The following DYNC1I1 variants were observed in gnomAD, a reference collection of about 807,000 sequenced individuals.
DYNC1I1 encodes dynein cytoplasmic 1 intermediate chain 1.
A neutral mutation model predicts 86.6 loss-of-function variants in DYNC1I1; 43 were observed. That is an observed-to-expected ratio of 0.50 (90% CI 0.39 to 0.64). The LOEUF (loss-of-function observed/expected upper bound fraction) is 0.64, where lower values mean the gene tolerates loss of function less well. Among genes scored for constraint, DYNC1I1 ranks in the 30% least tolerant of loss-of-function variants. DYNC1I1 has a pLI of 0.00. For synonymous variants in DYNC1I1, 262 were observed against 283.7 expected (o/e 0.92, Z 0.77); for missense variants, 604 against 788.8 (o/e 0.77, Z 2.81).
At chr7:95,872,164 C>G (rs775849127) in intron 6 of DYNC1I1, among the ~76,000 whole-genome samples, 94 of 152,294 alleles carry the variant, frequency 6.2e-4, no homozygotes, top group Non-Finnish European at 1.2e-3. Flanking sequence ...GAGGTTCTAC[C>G]ATGCGGCAGA....
intron 6 of DYNC1I1, among the ~76,000 whole-genome samples, chr7:95,898,551 C>A (rs542862274): frequency 6.6e-6 from 1 of 152,264 alleles, no homozygotes; most frequent in African/African-American, 2.4e-5. Flanking sequence ...GTGGCCAAGA[C>A]AACTACAAAA....
intron 13 of DYNC1I1, among the ~76,000 whole-genome samples, chr7:96,036,013 C>G (rs536648444): frequency 1.1e-4 from 17 of 152,312 alleles, no homozygotes; most frequent in African/African-American, 3.8e-4. Flanking sequence ...ACCTTCCCAG[C>G]ATCTCCGCAT....
At chr7:95,974,656 T>C (rs898328434) in intron 6 of DYNC1I1, among the ~76,000 whole-genome samples, 1 of 152,126 alleles carries the variant, frequency 6.6e-6, no homozygotes, top group Non-Finnish European at 1.5e-5. Flanking sequence ...ACACTTCATA[T>C]TAAGCATTGC....
intron 6 of DYNC1I1, among the ~76,000 whole-genome samples, chr7:95,947,024 A>G (rs1792421541): frequency 6.6e-6 from 1 of 152,330 alleles, no homozygotes; most frequent in East Asian, 1.9e-4. Context: ...GAATGGATCC[A>G]AACAGAAGTG....
chr7:95,874,999 G>A (rs1024893896), intron 6 of DYNC1I1, among the ~76,000 whole-genome samples: 1 of 152,190 alleles, frequency 6.6e-6, no homozygotes, highest in East Asian at 1.9e-4. Context: ...AAACTCTGTA[G>A]TCACTGCTGG....
At chr7:95,980,269 T>C (rs1379629401) in intron 7 of DYNC1I1, among the ~76,000 whole-genome samples, 1 of 151,954 alleles carries the variant, frequency 6.6e-6, no homozygotes, top group Non-Finnish European at 1.5e-5. Context: ...TAACACATAA[T>C]GGGTTAAAAG....
intron 14 of DYNC1I1, among the ~76,000 whole-genome samples, chr7:96,051,490 C>G (rs1035836087): frequency 1.1e-4 from 16 of 152,128 alleles, no homozygotes; most frequent in Admixed American, 5.2e-4. Flanking sequence ...AAGAACCTTT[C>G]GTGATACACA....
At chr7:95,946,234 A>G (rs990963678) in intron 6 of DYNC1I1, among the ~76,000 whole-genome samples, 7 of 152,104 alleles carry the variant, frequency 4.6e-5, no homozygotes, top group Admixed American at 2.0e-4. Flanking sequence ...TGATAGGTGC[A>G]GCAAACCACC....
intron 10 of DYNC1I1, among the ~76,000 whole-genome samples, chr7:96,027,253 T>C (rs1211494391): frequency 2.6e-5 from 4 of 152,220 alleles, no homozygotes; most frequent in African/African-American, 9.6e-5. Context: ...TCTCAGTGAC[T>C]TCATTTAATT....
At chr7:95,992,292 G>C (rs188530105) in intron 9 of DYNC1I1, among the ~76,000 whole-genome samples, 61 of 152,080 alleles carry the variant, frequency 4.0e-4, no homozygotes, top group Non-Finnish European at 5.7e-4. Context: ...ATAGAGAAGA[G>C]CCTATTATTC....
At chr7:95,805,998 G>A (rs557975505) in intron 2 of DYNC1I1, among the ~76,000 whole-genome samples, 62 of 152,188 alleles carry the variant, frequency 4.1e-4, no homozygotes, top group Admixed American at 2.5e-3. Flanking sequence ...ATACCATTAC[G>A]TGTTGATTGA....
intron 10 of DYNC1I1, among the ~76,000 whole-genome samples, chr7:95,999,153 G>T (rs1793949676): frequency 6.6e-6 from 1 of 152,186 alleles, no homozygotes; most frequent in Non-Finnish European, 1.5e-5. Flanking sequence ...GCTGTCTTCT[G>T]TAGTGGCTTC....
intron 14 of DYNC1I1, among the ~76,000 whole-genome samples, chr7:96,039,638 A>T (rs905390690): frequency 2.0e-5 from 3 of 152,128 alleles, no homozygotes; most frequent in Non-Finnish European, 2.9e-5. Context: ...TAACTATAAA[A>T]AATTCAAACA....
At chr7:96,045,842 A>G (rs1434474948) in intron 14 of DYNC1I1, among the ~76,000 whole-genome samples, 1 of 152,188 alleles carries the variant, frequency 6.6e-6, no homozygotes, top group Non-Finnish European at 1.5e-5. Context: ...CGGTGAAATA[A>G]GTACTAATAG....
chr7:95,925,534 G>A (rs187364178), intron 6 of DYNC1I1, among the ~76,000 whole-genome samples: 12 of 152,258 alleles, frequency 7.9e-5, no homozygotes, highest in Admixed American at 2.0e-4. Context: ...GTTCCTTCCC[G>A]AGATTCTAAA....
intron 1 of DYNC1I1, among the ~76,000 whole-genome samples, chr7:95,774,954 A>C (rs971447196): frequency 6.6e-6 from 1 of 152,226 alleles, no homozygotes; most frequent in African/African-American, 2.4e-5. Context: ...ATCTGTTTCA[A>C]ACAAATATAT....
At chr7:95,817,016 GTC>G (rs1271034441) in intron 4 of DYNC1I1, among the ~76,000 whole-genome samples, 1 of 152,088 alleles carries the variant, frequency 6.6e-6, no homozygotes, top group Non-Finnish European at 1.5e-5. Context: ...AGTTGAACAT[GTC>G]TCTCATCCTC....
At chr7:95,807,370 G>A (rs910101004) in intron 2 of DYNC1I1, among the ~76,000 whole-genome samples, 2 of 152,058 alleles carry the variant, frequency 1.3e-5, no homozygotes, top group African/African-American at 4.8e-5. Flanking sequence ...GAAGGAGTCT[G>A]GAGTTAAAAG....
intron 4 of DYNC1I1, among the ~76,000 whole-genome samples, chr7:95,823,839 G>A (rs1159156011): frequency 3.3e-5 from 5 of 151,052 alleles, no homozygotes; most frequent in Admixed American, 1.3e-4. Flanking sequence ...AGCCACCTAA[G>A]TCCAATAAAC....
Sources: gnomAD v4.1 joint callset for allele counts (sites outside exome capture counted in the v4.1 genomes callset) on GRCh38, gnomAD v4.1.1 for gene constraint, MANE v1.5 for transcripts, NCBI Gene and HGNC (gene_info 2026-07-23, HGNC 2026-07-21) for gene names.